The following CSMD1 variants were observed in gnomAD, a reference collection of about 807,000 sequenced individuals.
CSMD1 encodes CUB and sushi domain-containing protein 1.
A neutral mutation model predicts 417.5 loss-of-function variants in CSMD1; 213 were observed. The ratio of observed to expected loss-of-function variants is 0.51; its 90% CI spans 0.46 to 0.57. The LOEUF is 0.57. Among genes scored for constraint, CSMD1 ranks in the 20% least tolerant of loss-of-function variants. The pLI is 0.00. For missense variants in CSMD1, 6,923 were observed against 4,529.7 expected (o/e 1.53, Z -15.17); for synonymous variants, 2,862 against 1,736.8 (o/e 1.65, Z -16.11).
At chr8:4,405,296 G>A (rs1472210882) in intron 3 of CSMD1, among the ~76,000 whole-genome samples, 5 of 152,068 alleles carry the variant, frequency 3.3e-5, no homozygotes, top group Non-Finnish European at 5.9e-5. Context: ...ATAGCATATT[G>A]AAATAACTTC....
chr8:4,438,608 C>G (rs992119477), intron 2 of CSMD1, among the ~76,000 whole-genome samples: 3 of 152,086 alleles, frequency 2.0e-5, no homozygotes, highest in South Asian at 2.1e-4. Flanking sequence ...CTGAATCATG[C>G]TCCTATTATT....
At chr8:3,961,273 A>T (rs951050754) in intron 5 of CSMD1, among the ~76,000 whole-genome samples, 2 of 152,170 alleles carry the variant, frequency 1.3e-5, no homozygotes, top group Non-Finnish European at 2.9e-5. Context: ...ATAAGCATAA[A>T]AGTTATATAA....
intron 1 of CSMD1, among the ~76,000 whole-genome samples, chr8:4,804,686 AC>A (rs1798493344): frequency 6.6e-6 from 1 of 152,224 alleles, no homozygotes; most frequent in African/African-American, 2.4e-5. Context: ...AAAATATAAA[AC>A]CAATATTATG....
chr8:4,380,643 C>G (rs1325525281), intron 3 of CSMD1, among the ~76,000 whole-genome samples: 1 of 152,104 alleles, frequency 6.6e-6, no homozygotes, highest in African/African-American at 2.4e-5. Context: ...ATTAAAGTGT[C>G]AATATCAGTT....
intron 1 of CSMD1, among the ~76,000 whole-genome samples, chr8:4,903,990 T>C (rs1298490457): frequency 6.6e-6 from 1 of 152,204 alleles, no homozygotes; most frequent in Non-Finnish European, 1.5e-5. Context: ...TAAAATCATA[T>C]GGCTTCATTT....
chr8:2,952,582 C>A lies in CSMD1; in HGVS notation c.10040-1307G>T, dbSNP rs142978988. 7.9e-5 allele frequency among the ~76,000 whole-genome samples: 12 copies of A among 152,302 alleles called. No homozygotes were observed. In the East Asian group the frequency reaches 2.3e-3, roughly 29 times the overall value. On this transcript the variant is annotated intron_variant, in intron 65 of 69. Coordinates refer to ENST00000635120, the MANE Select transcript of CSMD1 (RefSeq NM_033225.6). ...TATAAATCACTGATTTTAGACACAT[C>A]TGCTTAGCCACTGTCAGCACAACAG...
intron 1 of CSMD1, among the ~76,000 whole-genome samples, chr8:4,794,673 A>T (rs886553432): frequency 6.6e-6 from 1 of 152,100 alleles, no homozygotes; most frequent in Non-Finnish European, 1.5e-5. Flanking sequence ...TCTTCTGCTG[A>T]CTGCTATTGG....
At chr8:4,954,774 A>G (rs2117301101) in intron 1 of CSMD1, among the ~76,000 whole-genome samples, 1 of 152,300 alleles carries the variant, frequency 6.6e-6, no homozygotes, top group Non-Finnish European at 1.5e-5. Context: ...GCTATTACAC[A>G]GAATTACGGT....
At chr8:3,889,186 C>A (rs548586324) in intron 5 of CSMD1, among the ~76,000 whole-genome samples, 2 of 151,350 alleles carry the variant, frequency 1.3e-5, no homozygotes, top group East Asian at 1.9e-4. Context: ...ATGCAAGATT[C>A]GAACAAGACT....
At chr8:3,095,272 T>G (rs1041035840) in intron 47 of CSMD1, among the ~76,000 whole-genome samples, 2 of 152,114 alleles carry the variant, frequency 1.3e-5, no homozygotes, top group African/African-American at 4.8e-5. Context: ...GCCTGTGAGG[T>G]TGGATGCTCT....
intron 1 of CSMD1, among the ~76,000 whole-genome samples, chr8:4,874,382 G>A (rs1585245944): frequency 8.3e-6 from 1 of 120,196 alleles, no homozygotes; most frequent in East Asian, 2.6e-4. Context: ...CTTTCAATCC[G>A]ATTGTATTTT....
At chr8:4,102,651 G>A (rs1259103007) in intron 3 of CSMD1, among the ~76,000 whole-genome samples, 2 of 152,096 alleles carry the variant, frequency 1.3e-5, no homozygotes, top group African/African-American at 4.8e-5. Context: ...GTTTTTTGCT[G>A]TAAAACTTTA....
intron 2 of CSMD1, among the ~76,000 whole-genome samples, chr8:4,450,023 G>A (rs1338386088): frequency 3.3e-5 from 5 of 152,168 alleles, no homozygotes; most frequent in African/African-American, 4.8e-5. Flanking sequence ...TGGCCTGGGT[G>A]TCCTGTCCTT....
At chr8:4,568,562 A>T (rs1248486031) in intron 2 of CSMD1, among the ~76,000 whole-genome samples, 9 of 152,138 alleles carry the variant, frequency 5.9e-5, no homozygotes, top group Admixed American at 5.2e-4. Context: ...TCTATACTAA[A>T]TGGTGCTGCA....
In CSMD1 at chr8:4,901,494, T is replaced by G. The variant is rs375154607; in HGVS notation, c.85+92838A>C. On this transcript the variant is annotated intron_variant, in intron 1 of 69. Transcript: ENST00000635120. ...AAACAAAGCTACATCAATTATGTTT[T>G]TCCATCTTTGTGAGCTTAAAATTAC... Among the ~76,000 whole-genome samples, 10 of 151,922 alleles carry G rather than the reference T, an allele frequency of 6.6e-5. No homozygotes were observed. The East Asian group carries it at 1.8e-3, about 27-fold the overall frequency.
At chr8:3,451,230 AG>A (rs1398259700) in intron 12 of CSMD1, among the ~76,000 whole-genome samples, 1 of 152,206 alleles carries the variant, frequency 6.6e-6, no homozygotes, top group African/African-American at 2.4e-5. Context: ...TTGTCAGATG[AG>A]TACATTGCAA....
intron 5 of CSMD1, among the ~76,000 whole-genome samples, chr8:3,777,363 G>C (rs1391761089): frequency 6.6e-6 from 1 of 152,062 alleles, no homozygotes; most frequent in East Asian, 1.9e-4. Context: ...GCCTCCAGAT[G>C]AGCTAACTGC....
chr8:4,190,393 C>A (rs1192000439), intron 3 of CSMD1, among the ~76,000 whole-genome samples: 1 of 151,894 alleles, frequency 6.6e-6, no homozygotes, highest in Non-Finnish European at 1.5e-5. Flanking sequence ...CACTACTTGA[C>A]AGAATGGTTA....
chr8:4,780,261 G>A (rs1350591784), intron 1 of CSMD1, among the ~76,000 whole-genome samples: 1 of 152,192 alleles, frequency 6.6e-6, no homozygotes, highest in Non-Finnish European at 1.5e-5. Flanking sequence ...TGTGCAGATT[G>A]GCATGCTTTC....
Sources: allele counts gnomAD v4.1 joint callset (sites outside exome capture counted in the v4.1 genomes callset), GRCh38; gene constraint gnomAD v4.1.1; transcripts MANE v1.5; gene names NCBI Gene and HGNC (gene_info 2026-07-23, HGNC 2026-07-21).